The following PCDH11X variants were observed in gnomAD, a reference collection of about 807,000 sequenced individuals.
PCDH11X encodes protocadherin-11 X-linked.
PCDH11X carries 18 observed loss-of-function variants against 53.3 expected under a neutral mutation model. That is an observed-to-expected ratio of 0.34 (90% CI 0.23 to 0.50). The LOEUF is 0.50. Among genes scored for constraint, PCDH11X ranks in the 20% least tolerant of loss-of-function variants. PCDH11X has a pLI of 0.98. For synonymous variants in PCDH11X, 279 were observed against 393.3 expected, an observed-to-expected ratio of 0.71 and a Z score of 3.44; for missense variants, 570 against 1,032.4, an observed-to-expected ratio of 0.55 and a Z score of 6.14.
chrX:92,224,352 T>C (rs973512064), intron 7 of PCDH11X, among the ~76,000 whole-genome samples: 3 of 109,822 alleles, frequency 2.7e-5, no homozygotes, highest in African/African-American at 1.0e-4. Flanking sequence ...AGATATTAGA[T>C]TTTTTTTTAA....
At chrX:92,378,439 G>T (rs2070800031) in intron 8 of PCDH11X, among the ~76,000 whole-genome samples, 1 of 109,492 alleles carries the variant, frequency 9.1e-6, no homozygotes, top group African/African-American at 3.3e-5. Context: ...GCCAAAAAAA[G>T]AGTCTATTAT....
At chrX:91,821,112 C>T (rs1219073112) in intron 4 of PCDH11X, among the ~76,000 whole-genome samples, 1 of 105,794 alleles carries the variant, frequency 9.5e-6, no homozygotes, top group African/African-American at 3.9e-5. Context: ...AGTGTGATGC[C>T]TCCAGCTTTG....
chrX:91,927,558 T>C (rs1379141427), intron 6 of PCDH11X, among the ~76,000 whole-genome samples: 1 of 111,416 alleles, frequency 9.0e-6, no homozygotes, highest in Non-Finnish European at 1.9e-5. Flanking sequence ...TCTTATAATG[T>C]GACTCAGTTG....
Position 92,279,128 on chromosome X carries a change from A to T in PCDH11X, c.3144+15985A>T, listed in dbSNP as rs149391154. Among the ~76,000 whole-genome samples the T allele has an allele frequency of 1.0e-2, 1,113 of 111,850 alleles. 21 individuals carry two copies. Among genetic ancestry groups the T allele is most frequent in the African/African-American group, 0.035 (1,060 of 30,719 alleles). On this transcript the variant is annotated intron_variant, in intron 8 of 10. Coordinates refer to ENST00000682573, the MANE Select transcript of PCDH11X (RefSeq NM_032968.5). ...GCCCAGCCTCTTTTTAGCTTTTGTC[A>T]GTCATATAAGCCATTGCATTTTTAT...
chrX:92,251,340 T>C (rs2067457688), intron 7 of PCDH11X, among the ~76,000 whole-genome samples: 1 of 111,282 alleles, frequency 9.0e-6, no homozygotes, highest in Non-Finnish European at 1.9e-5. Context: ...CTTATTCTTT[T>C]ATTAAGCCTA....
chrX:92,198,461 G>A (rs2066335478), intron 6 of PCDH11X, among the ~76,000 whole-genome samples: 2 of 104,224 alleles, frequency 1.9e-5, no homozygotes, highest in Non-Finnish European at 3.9e-5. Flanking sequence ...AACCAGTCTG[G>A]GTTTACCTCT....
At chrX:92,004,104 G>T (rs1205314232) in intron 6 of PCDH11X, among the ~76,000 whole-genome samples, 3 of 110,782 alleles carry the variant, frequency 2.7e-5, no homozygotes, top group Non-Finnish European at 5.7e-5. Context: ...TTTGTTTCAA[G>T]AAATTTTTGA....
intron 8 of PCDH11X, among the ~76,000 whole-genome samples, chrX:92,268,088 C>G (rs188419873): frequency 8.9e-6 from 1 of 111,900 alleles, no homozygotes; most frequent in Admixed American, 9.5e-5. Flanking sequence ...TTTCAGTTAT[C>G]TAAATAAAAC....
At chrX:91,828,120 CT>C (rs764755111) in intron 4 of PCDH11X, among the ~76,000 whole-genome samples, 14,241 of 84,388 alleles carry the variant, frequency 0.17, 932 homozygotes, top group East Asian at 0.25. Context: ...AGGCAGAATT[CT>C]TTTTTTTTTT....
At chrX:92,149,867 G>A (rs369392718) in intron 6 of PCDH11X, among the ~76,000 whole-genome samples, 1 of 110,832 alleles carries the variant, frequency 9.0e-6, no homozygotes, top group Non-Finnish European at 1.9e-5. Flanking sequence ...TTTTTGGTAC[G>A]TGGCTTCTTT....
At chrX:92,265,714 T>A (rs2067815870) in intron 8 of PCDH11X, among the ~76,000 whole-genome samples, 1 of 111,083 alleles carries the variant, frequency 9.0e-6, no homozygotes. Flanking sequence ...CGAGCTTAAG[T>A]GGCTTGCCTA....
intron 6 of PCDH11X, among the ~76,000 whole-genome samples, chrX:91,946,949 T>G (rs2061583793): frequency 9.4e-6 from 1 of 106,020 alleles, no homozygotes; most frequent in South Asian, 4.3e-4. Context: ...ATTCTTGGGG[T>G]TGAGAGCATG....
At chrX:92,382,347 T>C (rs2070895418) in intron 8 of PCDH11X, among the ~76,000 whole-genome samples, 1 of 111,090 alleles carries the variant, frequency 9.0e-6, no homozygotes, top group African/African-American at 3.3e-5. Flanking sequence ...TCATGGCGTG[T>C]GCAAGGTTGT....
intron 5 of PCDH11X, among the ~76,000 whole-genome samples, chrX:91,857,760 G>C (rs1307920081): frequency 1.8e-5 from 2 of 111,981 alleles, no homozygotes; most frequent in South Asian, 7.4e-4. Context: ...CCATGGTCTT[G>C]GGCAGCTCCA....
chrX:91,948,178 T>A (rs2061598563), intron 6 of PCDH11X, among the ~76,000 whole-genome samples: 1 of 108,369 alleles, frequency 9.2e-6, no homozygotes, highest in Admixed American at 1.0e-4. Context: ...ACAATTATTT[T>A]TAAATGAAAT....
At chrX:92,584,884 C>T (rs1382329005) in intron 10 of PCDH11X, among the ~76,000 whole-genome samples, 10 of 102,095 alleles carry the variant, frequency 9.8e-5, no homozygotes, top group African/African-American at 3.7e-4. Flanking sequence ...ATCTCTGCCT[C>T]GGGGGTACAA....
chrX:92,071,292 T>C (rs1020066974), intron 6 of PCDH11X, among the ~76,000 whole-genome samples: 3 of 111,437 alleles, frequency 2.7e-5, no homozygotes, highest in Admixed American at 9.6e-5. Context: ...GATGCATTAT[T>C]CAGCATGTCA....
intron 10 of PCDH11X, among the ~76,000 whole-genome samples, chrX:92,519,994 C>T (rs1302396398): frequency 1.9e-5 from 2 of 106,877 alleles, no homozygotes; most frequent in African/African-American, 6.8e-5. Context: ...TGATTGGCTT[C>T]TAATTACATA....
chrX:92,440,775 T>C (rs1424172372), intron 9 of PCDH11X, among the ~76,000 whole-genome samples: 1 of 109,089 alleles, frequency 9.2e-6, no homozygotes, highest in Non-Finnish European at 1.9e-5. Flanking sequence ...TTGGTACCAG[T>C]AGAGTGGGGT....
Sources: allele counts gnomAD v4.1 joint callset (sites outside exome capture counted in the v4.1 genomes callset), GRCh38; gene constraint gnomAD v4.1.1; transcripts MANE v1.5; gene names NCBI Gene and HGNC (gene_info 2026-07-23, HGNC 2026-07-21).